The following COG5 variants were observed in gnomAD, a reference collection of about 807,000 sequenced individuals.
The protein encoded by COG5 is conserved oligomeric Golgi complex subunit 5.
COG5 carries 86 observed loss-of-function variants against 110.4 expected under a neutral mutation model. The observed-to-expected ratio is 0.78, with a 90% CI of 0.65 to 0.93. The LOEUF (loss-of-function observed/expected upper bound fraction) is 0.93, where lower values mean the gene tolerates loss of function less well. COG5 is among the 40% of genes least tolerant of loss of function. COG5 has a pLI of 0.00. For synonymous variants in COG5, 360 were observed against 334.6 expected (o/e 1.08, Z -0.83); for missense variants, 1,077 against 987.0 (o/e 1.09, Z -1.22).
chr7:107,264,173 G>A (rs982424775), intron 14 of COG5, among the ~76,000 whole-genome samples: 1 of 152,026 alleles, frequency 6.6e-6, no homozygotes, highest in African/African-American at 2.4e-5. Context: ...AATCAATTGT[G>A]GCCCTGTTAT....
At chr7:107,203,997 G>A (rs1291967459) in intron 21 of COG5, among the ~76,000 whole-genome samples, 1 of 152,210 alleles carries the variant, frequency 6.6e-6, no homozygotes, top group Non-Finnish European at 1.5e-5. Context: ...GCTCACGAGG[G>A]GCATCCTGCG....
At position 107,324,415 on chromosome 7, in the gene COG5, T is replaced by A. The variant is rs556746099; in HGVS notation, c.1108+25A>T. The A allele has an allele frequency of 7.9e-6, 11 of 1,398,282 alleles. No homozygotes were observed. In the African/African-American group the frequency reaches 1.4e-4, roughly 18 times the overall value. The allele number at this position is 1,398,282 out of a possible 1,614,324, so 86.6% of individuals were successfully genotyped here. On this transcript the variant is annotated intron_variant, in intron 11 of 21. Transcript: ENST00000297135. ...AAATAACTTAAAACTTTGAAATTAA[T>A]TTTCAAAATAAGTAGTAAACTTACA...
At chr7:107,205,688 C>A (rs182386353) in intron 21 of COG5, among the ~76,000 whole-genome samples, 5 of 152,174 alleles carry the variant, frequency 3.3e-5, no homozygotes, top group African/African-American at 9.7e-5. Flanking sequence ...TACTTTCTTG[C>A]GCAGCTCTTT....
chr7:107,465,809 A>G lies in COG5; in HGVS notation c.539-53177T>C, dbSNP rs1038955531. ...AAACTCTGCCATTCTCAGGCTCTTT[A>G]TATAAAGAATGGCAGCCTTCTTACA... On this transcript the variant is annotated intron_variant, in intron 6 of 21. Coordinates refer to ENST00000297135, the MANE Select transcript of COG5 (RefSeq NM_006348.5). Among the ~76,000 whole-genome samples, 10 of 152,320 alleles carry G rather than the reference A, an allele frequency of 6.6e-5. No individual in the cohort carries two copies. In the East Asian group the frequency reaches 1.5e-3, roughly 23 times the overall value.
chr7:107,291,730 T>G (rs1021218259), intron 12 of COG5, among the ~76,000 whole-genome samples: 1 of 152,220 alleles, frequency 6.6e-6, no homozygotes, highest in African/African-American at 2.4e-5. Context: ...TTGTAGCTCC[T>G]TTGATAGAAC....
chr7:107,231,591 T>C (rs185268052), intron 18 of COG5, among the ~76,000 whole-genome samples: 2 of 152,294 alleles, frequency 1.3e-5, no homozygotes, highest in Admixed American at 6.5e-5. Context: ...TGGTTGAGAA[T>C]AGGCTGCTCC....
chr7:107,211,731 T>G (rs1799190635), intron 19 of COG5, among the ~76,000 whole-genome samples: 1 of 152,174 alleles, frequency 6.6e-6, no homozygotes, highest in Admixed American at 6.5e-5. Flanking sequence ...TGCTGAACAC[T>G]CCATCAAAAA....
chr7:107,557,952 A>T, intron 2 of COG5, 24 bp downstream of exon 2: 1 of 1,613,424 alleles, frequency 6.2e-7, no homozygotes, highest in Non-Finnish European at 8.5e-7. Flanking sequence ...AATAATCCAT[A>T]GGGACCCAGA....
intron 5 of COG5, 85 bp from the exon 6 acceptor site, chr7:107,527,442 G>C: frequency 6.9e-7 from 1 of 1,448,646 alleles, no homozygotes; most frequent in Non-Finnish European, 9.5e-7. Context: ...ACAGTGGGTT[G>C]ATAGGTGCAG....
intron 12 of COG5, among the ~76,000 whole-genome samples, chr7:107,284,251 G>C (rs929719762): frequency 6.6e-6 from 1 of 152,098 alleles, no homozygotes; most frequent in African/African-American, 2.4e-5. Context: ...CTCTACGTAA[G>C]TCCCCACTAT....
chr7:107,478,646 AG>A (rs1281599060), intron 6 of COG5, among the ~76,000 whole-genome samples: 1 of 152,022 alleles, frequency 6.6e-6, no homozygotes, highest in African/African-American at 2.4e-5. Flanking sequence ...ATGTATGTAT[AG>A]GAAAAAAACA....
At chr7:107,557,435 T>A (rs1171033971) in intron 2 of COG5, among the ~76,000 whole-genome samples, 1 of 152,080 alleles carries the variant, frequency 6.6e-6, no homozygotes, top group Non-Finnish European at 1.5e-5. Context: ...TTCCAACCCA[T>A]CTGATAGATT....
intron 6 of COG5, among the ~76,000 whole-genome samples, chr7:107,455,101 A>G (rs1040595828): frequency 6.6e-6 from 1 of 152,240 alleles, no homozygotes; most frequent in Non-Finnish European, 1.5e-5. Flanking sequence ...CTAAAAGTAC[A>G]TAATAAGATA....
intron 19 of COG5, among the ~76,000 whole-genome samples, chr7:107,216,467 G>C (rs1055508830): frequency 2.0e-5 from 3 of 152,310 alleles, no homozygotes; most frequent in East Asian, 3.9e-4. Context: ...AAGTGCACAC[G>C]TATCTTGCTT....
At chr7:107,244,462 T>C (rs889567438) in intron 17 of COG5, among the ~76,000 whole-genome samples, 3 of 152,000 alleles carry the variant, frequency 2.0e-5, no homozygotes, top group Non-Finnish European at 2.9e-5. Flanking sequence ...GAAGATGAGA[T>C]GTAACAGAAA....
At chr7:107,498,353 G>A (rs1323716014) in intron 6 of COG5, among the ~76,000 whole-genome samples, 1 of 152,090 alleles carries the variant, frequency 6.6e-6, no homozygotes, top group African/African-American at 2.4e-5. Flanking sequence ...TATGAAATGC[G>A]AGAAAATATT....
Position 107,281,413 on chromosome 7 carries a change from A to C in COG5, c.1476-14T>G, listed in dbSNP as rs769339809. ...ACATTTAGTTCACTGGAGAAAATGAAAACAGTTTTTAAATATTAGCAACAT... is the reference window on the plus strand; with the variant it reads ...ACATTTAGTTCACTGGAGAAAATGACAACAGTTTTTAAATATTAGCAACAT... On this transcript the variant is annotated splice_polypyrimidine_tract_variant and intron_variant, in intron 13 of 21. Coordinates refer to ENST00000297135, the MANE Select transcript of COG5 (RefSeq NM_006348.5). The C allele has an allele frequency of 4.4e-6, 7 of 1,584,298 alleles. No individual in the cohort carries two copies. Among genetic ancestry groups the C allele is most frequent in the Non-Finnish European group, 6.1e-6 (7 of 1,153,042 alleles).
At chr7:107,390,042 T>A (rs1003924547) in intron 7 of COG5, among the ~76,000 whole-genome samples, 1 of 152,212 alleles carries the variant, frequency 6.6e-6, no homozygotes, top group African/African-American at 2.4e-5. Context: ...CATGTATCAC[T>A]AATTACAATA....
intron 7 of COG5, among the ~76,000 whole-genome samples, chr7:107,403,237 T>C (rs1419565892): frequency 1.3e-5 from 2 of 152,212 alleles, no homozygotes; most frequent in Admixed American, 6.5e-5. Context: ...TAGTCTGTTC[T>C]GGCTGCTGTA....
Sources: gnomAD v4.1 joint callset for allele counts (sites outside exome capture counted in the v4.1 genomes callset) on GRCh38, gnomAD v4.1.1 for gene constraint, MANE v1.5 for transcripts, NCBI Gene and HGNC (gene_info 2026-07-23, HGNC 2026-07-21) for gene names.